SPAG16: variants seen among roughly 807,000 people sequenced by gnomAD.
The protein encoded by SPAG16 is sperm-associated antigen 16 protein.
Under a neutral mutation model 80.4 loss-of-function variants are expected in SPAG16, and 86 were observed. That is an observed-to-expected ratio of 1.07 (90% CI 0.90 to 1.28). The LOEUF is 1.28. Among genes scored for constraint, SPAG16 ranks in the 50% most tolerant of loss-of-function variants. The pLI is 0.00. For synonymous variants in SPAG16, 294 were observed against 265.9 expected (o/e 1.11, Z -1.03); for missense variants, 870 against 765.3 (o/e 1.14, Z -1.61).
intron 5 of SPAG16, among the ~76,000 whole-genome samples, chr2:213,322,245 A>G (rs1430058707): frequency 6.9e-6 from 1 of 144,724 alleles, no homozygotes; most frequent in Non-Finnish European, 1.5e-5. Context: ...AATAACTATT[A>G]TGAGTTTTAT....
intron 15 of SPAG16, among the ~76,000 whole-genome samples, chr2:214,182,538 T>C (rs1371074318): frequency 6.6e-6 from 1 of 151,956 alleles, no homozygotes; most frequent in Non-Finnish European, 1.5e-5. Context: ...ATGTATTTTA[T>C]AATAGGGATG....
At chr2:213,553,336 A>T (rs957108794) in intron 10 of SPAG16, among the ~76,000 whole-genome samples, 2 of 152,166 alleles carry the variant, frequency 1.3e-5, no homozygotes, top group Admixed American at 1.3e-4. Context: ...CACTGGTAAG[A>T]ACAGCATACC....
At chr2:213,737,798 T>C (rs1157325764) in intron 10 of SPAG16, among the ~76,000 whole-genome samples, 1 of 152,132 alleles carries the variant, frequency 6.6e-6, no homozygotes, top group Non-Finnish European at 1.5e-5. Flanking sequence ...TCTCATTACT[T>C]TTTCTTACAT....
chr2:213,771,551 G>A (rs2069250005), intron 10 of SPAG16, among the ~76,000 whole-genome samples: 2 of 152,068 alleles, frequency 1.3e-5, no homozygotes, highest in African/African-American at 4.8e-5. Context: ...GAAAGGTATT[G>A]CCTAGATTTT....
rs1697378756 is a variant in SPAG16, at chr2:214,337,451, T to G, written c.1721-72689T>G. On this transcript the variant is annotated intron_variant, in intron 15 of 15. Transcript: ENST00000331683. ...GATATCAGGGATGTAGATGGCTGTT[T>G]CTGAATCACAGCTGCAGAGCAGCTA... is the stretch of plus-strand genomic sequence containing the variant. Among the ~76,000 whole-genome samples, 4 of 152,252 alleles carry G rather than the reference T, an allele frequency of 2.6e-5. No homozygotes were observed. In the South Asian group the frequency reaches 8.3e-4, roughly 31 times the overall value.
intron 10 of SPAG16, among the ~76,000 whole-genome samples, chr2:213,645,716 A>AG (rs1443743400): frequency 2.0e-5 from 3 of 152,108 alleles, no homozygotes; most frequent in African/African-American, 7.2e-5. Flanking sequence ...CTTGGGGATT[A>AG]GGGGAGGGGT....
At chr2:213,764,738 G>T (rs987924315) in intron 10 of SPAG16, among the ~76,000 whole-genome samples, 2 of 152,122 alleles carry the variant, frequency 1.3e-5, no homozygotes, top group Middle Eastern at 3.4e-3. Context: ...ATATGGAAAA[G>T]ATTATGAAAC....
intron 10 of SPAG16, among the ~76,000 whole-genome samples, chr2:213,643,057 GTGTGTGTGTA>G (rs2062662207): frequency 1.2e-5 from 1 of 86,080 alleles, no homozygotes; most frequent in African/African-American, 8.8e-5. Context: ...GTGTGTATGT[GTGTGTGTGTA>G]TATATATATA....
chr2:213,307,172 A>G (rs1042794513), intron 3 of SPAG16, among the ~76,000 whole-genome samples: 2 of 152,130 alleles, frequency 1.3e-5, no homozygotes, highest in Admixed American at 1.3e-4. Flanking sequence ...AGTAATAAAC[A>G]TCAGTGTTGA....
intron 10 of SPAG16, among the ~76,000 whole-genome samples, chr2:213,631,856 T>A (rs1224889136): frequency 6.6e-6 from 1 of 152,204 alleles, no homozygotes; most frequent in Non-Finnish European, 1.5e-5. Flanking sequence ...TGTGGTTTTA[T>A]GCCAGTATCA....
chr2:214,202,964 C>CA (rs931276030), intron 15 of SPAG16, among the ~76,000 whole-genome samples: 27 of 151,924 alleles, frequency 1.8e-4, no homozygotes, highest in Admixed American at 5.2e-4. Context: ...TCTTTTGGTA[C>CA]AAAAAAAATC....
intron 13 of SPAG16, among the ~76,000 whole-genome samples, chr2:214,023,077 T>A: frequency 6.6e-6 from 1 of 151,972 alleles, no homozygotes; most frequent in African/African-American, 2.4e-5. Context: ...TTATCCCATT[T>A]TATTATGCCT....
At chr2:213,811,937 A>G (rs1334894590) in intron 10 of SPAG16, among the ~76,000 whole-genome samples, 1 of 152,096 alleles carries the variant, frequency 6.6e-6, no homozygotes, top group East Asian at 1.9e-4. Context: ...GAGTTCAGGC[A>G]AGCAGAGAAC....
chr2:213,617,049 TG>T (rs754729487), intron 10 of SPAG16, among the ~76,000 whole-genome samples: 2 of 152,040 alleles, frequency 1.3e-5, no homozygotes, highest in Non-Finnish European at 2.9e-5. Context: ...AATGGGTAGG[TG>T]GGCCCCTGCA....
chr2:213,988,897 C>T (rs1001813692), intron 12 of SPAG16, among the ~76,000 whole-genome samples: 2 of 152,018 alleles, frequency 1.3e-5, no homozygotes, highest in African/African-American at 4.8e-5. Flanking sequence ...CAATGTAATT[C>T]CTATCAAAAT....
rs73989428 is a variant in SPAG16, at chr2:214,334,563, G to A, written c.1721-75577G>A. On this transcript the variant is annotated intron_variant, in intron 15 of 15. Coordinates refer to ENST00000331683, the MANE Select transcript of SPAG16 (RefSeq NM_024532.5). ...CTCAGTTTGTACTGCCCTCCAGTTGGTGGAGTTGAAAATATCATAGGTTGT... is the reference window on the plus strand; with the variant it reads ...CTCAGTTTGTACTGCCCTCCAGTTGATGGAGTTGAAAATATCATAGGTTGT... Among the ~76,000 whole-genome samples, 231 of 152,262 alleles carry A rather than the reference G, an allele frequency of 1.5e-3. 1 individual carries two copies. Among genetic ancestry groups the A allele is most frequent in the African/African-American group, 5.3e-3 (220 of 41,538 alleles).
intron 10 of SPAG16, among the ~76,000 whole-genome samples, chr2:213,694,566 C>T (rs2065081790): frequency 6.6e-6 from 1 of 152,154 alleles, no homozygotes. Context: ...AATATGTTGA[C>T]TTCCCTGAAT....
chr2:214,354,180 G>A (rs1164835716), intron 15 of SPAG16, among the ~76,000 whole-genome samples: 1 of 152,020 alleles, frequency 6.6e-6, no homozygotes, highest in African/African-American at 2.4e-5. Context: ...TTTGTATAAG[G>A]TGTAAGGAAG....
chr2:213,690,182 A>G (rs907657743), intron 10 of SPAG16, among the ~76,000 whole-genome samples: 2 of 152,206 alleles, frequency 1.3e-5, no homozygotes, highest in Non-Finnish European at 2.9e-5. Context: ...CCTCGTTAAC[A>G]AACTCCTCTA....
Sources: gnomAD v4.1 joint callset for allele counts (sites outside exome capture counted in the v4.1 genomes callset) on GRCh38, gnomAD v4.1.1 for gene constraint, MANE v1.5 for transcripts, NCBI Gene and HGNC (gene_info 2026-07-23, HGNC 2026-07-21) for gene names.